Variants in MYO10 observed in about 807,000 individuals in gnomAD.
The protein encoded by MYO10 is myosin X, also known as unconventional myosin-X.
A neutral mutation model predicts 257.3 loss-of-function variants in MYO10; 133 were observed. That is an observed-to-expected ratio of 0.52 (90% CI 0.45 to 0.60). The LOEUF (loss-of-function observed/expected upper bound fraction) is 0.60, where lower values mean the gene tolerates loss of function less well. Among genes scored for constraint, MYO10 ranks in the 20% least tolerant of loss-of-function variants. The pLI is 0.00. For synonymous variants in MYO10, 1,104 were observed against 1,028.6 expected (o/e 1.07, Z -1.40); for missense variants, 2,399 against 2,635.7 (o/e 0.91, Z 1.97).
intron 2 of MYO10, among the ~76,000 whole-genome samples, chr5:16,818,743 C>G (rs1742717204): frequency 6.6e-6 from 1 of 151,970 alleles, no homozygotes; most frequent in African/African-American, 2.4e-5. Context: ...CCAGCTGTCA[C>G]CTATATATTT....
intron 19 of MYO10, among the ~76,000 whole-genome samples, chr5:16,750,493 C>T (rs544948061): frequency 1.1e-4 from 17 of 152,132 alleles, no homozygotes; most frequent in Middle Eastern, 3.4e-3. Flanking sequence ...GGGGTTCAAA[C>T]ACTTGGCAAG....
chr5:16,932,405 G>T (rs1307803194), intron 1 of MYO10, among the ~76,000 whole-genome samples: 7 of 152,120 alleles, frequency 4.6e-5, no homozygotes, highest in Admixed American at 4.6e-4. Context: ...GTCCACTTCA[G>T]CACATCAACA....
Position 16,701,798 on chromosome 5 carries a change from T to G in MYO10, c.2597A>C (p.Gln866Pro). Residue 866 changes from glutamine to proline, a missense_variant, in exon 25 of 41, where the codon CAG becomes CCG. Physicochemically the swap from Gln to Pro is moderately conservative, Grantham distance 76. Transcript: ENST00000513610. The surrounding 1 kb of genome is among the most constrained non-coding windows in gnomAD (Gnocchi z 8.1). ...CAGTTCAGCTTCCTTCTGGCTCTTC[T>G]GCAAGGCTTCGAGTTCTTGCTGCTT... is the stretch of plus-strand genomic sequence containing the variant. ...TRKQQELEAL[Q>P]KSQKEAELTR... 1.2e-6 allele frequency: 2 copies of G among 1,611,390 alleles called. No individual in the cohort carries two copies. Among genetic ancestry groups the G allele is most frequent in the Non-Finnish European group, 1.7e-6 (2 of 1,179,244 alleles).
chr5:16,681,380 T>C lies in MYO10; in HGVS notation c.4313A>G (p.Lys1438Arg). 1 of 1,613,968 alleles carries C rather than the reference T, an allele frequency of 6.2e-7. No homozygotes were observed. The highest frequency in any genetic ancestry group is 1.1e-5 in the South Asian group (1 of 91,070). Residue 1438 changes from lysine to arginine, a missense_variant, in exon 32 of 41, where the codon AAA becomes AGA. Coordinates refer to ENST00000513610, the MANE Select transcript of MYO10 (RefSeq NM_012334.3). ...GCTGTTGAGGACCAGGGTCCCCAGTTTGAGCGCGTTCTTCTCTGAACTCTT... is the reference window on the plus strand; with the variant it reads ...GCTGTTGAGGACCAGGGTCCCCAGTCTGAGCGCGTTCTTCTCTGAACTCTT... ...YYKSSEKNAL[K>R]LGTLVLNSLC...
chr5:16,705,543 G>C (rs1376694774), intron 21 of MYO10, among the ~76,000 whole-genome samples: 1 of 152,178 alleles, frequency 6.6e-6, no homozygotes, highest in Non-Finnish European at 1.5e-5. Flanking sequence ...AATTTTGAAT[G>C]ATTCCCTATA....
At chr5:16,770,980 C>T (rs1189158659) in intron 9 of MYO10, among the ~76,000 whole-genome samples, 1 of 152,186 alleles carries the variant, frequency 6.6e-6, no homozygotes, top group Non-Finnish European at 1.5e-5. Context: ...GTTGGTCAGG[C>T]TGGTCTCGAA....
chr5:16,677,433 T>TTTG (rs1363770924), intron 33 of MYO10, among the ~76,000 whole-genome samples: 2 of 145,256 alleles, frequency 1.4e-5, no homozygotes, highest in Non-Finnish European at 3.0e-5. Flanking sequence ...TTTTTTTTTT[T>TTTG]GAGACGGAGT....
At chr5:16,902,139 A>G (rs2562356) in intron 1 of MYO10, among the ~76,000 whole-genome samples, 84,094 of 151,532 alleles carry the variant, frequency 0.55, 24,320 homozygotes, top group African/African-American at 0.72. Context: ...TCCACCTCTC[A>G]GATTCAAGTG....
Position 16,683,913 on chromosome 5 carries a change from A to T in MYO10, c.4013T>A (p.Ile1338Asn), listed in dbSNP as rs1225393406. 1 of 1,613,776 alleles carries T rather than the reference A, an allele frequency of 6.2e-7. No individual in the cohort carries two copies. Among genetic ancestry groups the T allele is most frequent in the South Asian group, 1.1e-5 (1 of 90,974 alleles). Residue 1338 changes from isoleucine to asparagine, a missense_variant, in exon 30 of 41, where the codon ATT becomes AAT. Physicochemically the swap from Ile to Asn is moderately radical, Grantham distance 149 (BLOSUM62 -3). This residue lies in a region of MYO10 where 1,820 missense variants were observed against 1,939.4 expected (regional missense o/e 0.94). Coordinates refer to ENST00000513610, the MANE Select transcript of MYO10 (RefSeq NM_012334.3). ...GCTGTCAGAGGCACACACAGAATCA[A>T]TCAGCCCCACATCCAAGGTGCCCTG... ...NAVGTLDVGL[I>N]DSVCASDSPD... is the part of the protein sequence containing the mutation.
At chr5:16,712,790 A>C (rs1738679603) in intron 19 of MYO10, among the ~76,000 whole-genome samples, 1 of 152,254 alleles carries the variant, frequency 6.6e-6, no homozygotes, top group Non-Finnish European at 1.5e-5. Flanking sequence ...GCAGTATTCC[A>C]AACAAGTGCA....
rs1428051055 is a variant in MYO10 at position 16,662,507 on chromosome 5, A to AG, written c.*4184dup. On this transcript the variant is annotated 3_prime_UTR_variant, in exon 41 of 41. Coordinates refer to ENST00000513610, the MANE Select transcript of MYO10 (RefSeq NM_012334.3). Reference sequence around the variant, plus strand: ...CCTGGCTAATGTTAATTTTCTGTGGAGACAGGGTCTTGTCATGTTGCCCAG... The same window carrying AG: ...CCTGGCTAATGTTAATTTTCTGTGGAGGACAGGGTCTTGTCATGTTGCCCAG... 1.3e-5 allele frequency: 2 copies of AG among 151,670 alleles called. No individual in the cohort carries two copies. Among genetic ancestry groups the AG allele is most frequent in the Non-Finnish European group, 2.9e-5 (2 of 67,972 alleles). 9.4% of individuals were successfully genotyped at this position (151,670 alleles called of 1,614,324 possible).
intron 2 of MYO10, among the ~76,000 whole-genome samples, chr5:16,845,688 G>A (rs1029283582): frequency 2.6e-5 from 4 of 152,014 alleles, no homozygotes; most frequent in Non-Finnish European, 2.9e-5. Flanking sequence ...AAAATAAGCT[G>A]GGCACGGTGG....
At chr5:16,923,663 T>TACAC (rs60949830) in intron 1 of MYO10, among the ~76,000 whole-genome samples, 9,781 of 140,590 alleles carry the variant, frequency 0.07, 365 homozygotes, top group African/African-American at 0.11. Flanking sequence ...AACACGCCCA[T>TACAC]ACACACACAC....
At chr5:16,723,148 A>C (rs1739219765) in intron 19 of MYO10, among the ~76,000 whole-genome samples, 1 of 151,188 alleles carries the variant, frequency 6.6e-6, no homozygotes, top group Non-Finnish European at 1.5e-5. Flanking sequence ...AGGCCGAGGC[A>C]GGCGGATCAC....
intron 1 of MYO10, among the ~76,000 whole-genome samples, chr5:16,903,316 A>T (rs953220359): frequency 2.6e-5 from 4 of 152,186 alleles, no homozygotes; most frequent in African/African-American, 7.2e-5. Flanking sequence ...GAGGCAGGAG[A>T]ATCACTTGAA....
At chr5:16,907,980 C>T (rs189818396) in intron 1 of MYO10, among the ~76,000 whole-genome samples, 2 of 152,234 alleles carry the variant, frequency 1.3e-5, no homozygotes, top group African/African-American at 4.8e-5. Context: ...CGCCTGTAAT[C>T]CCAACACTTT....
At chr5:16,774,211 C>T (rs1257124746) in intron 9 of MYO10, among the ~76,000 whole-genome samples, 6 of 152,090 alleles carry the variant, frequency 3.9e-5, no homozygotes, top group Non-Finnish European at 7.4e-5. Context: ...GGCGAATACA[C>T]GGCAGAGTCC....
chr5:16,713,207 T>TC, intron 19 of MYO10: 1 of 649,176 alleles, frequency 1.5e-6, no homozygotes, highest in Non-Finnish European at 1.9e-6. Context: ...CCTGATCCCC[T>TC]CTTTTCTCCC....
chr5:16,841,027 C>A (rs1333874451), intron 2 of MYO10, among the ~76,000 whole-genome samples: 1 of 151,822 alleles, frequency 6.6e-6, no homozygotes, highest in African/African-American at 2.4e-5. Context: ...TGCCTGTAAT[C>A]CCAAGTACTT....
Sources: gnomAD v4.1 joint callset for allele counts (sites outside exome capture counted in the v4.1 genomes callset) on GRCh38, gnomAD v4.1.1 for gene constraint, gnomAD v4.1.1 regional missense constraint, Gnocchi (gnomAD v3.1) non-coding constraint, MANE v1.5 for transcripts, NCBI Gene and HGNC (gene_info 2026-07-23, HGNC 2026-07-21) for gene names.